SIPA1L2: variants seen among roughly 807,000 people sequenced by gnomAD.
SIPA1L2 encodes signal-induced proliferation-associated 1-like protein 2.
SIPA1L2 carries 56 observed loss-of-function variants against 163.9 expected under a neutral mutation model. That is an observed-to-expected ratio of 0.34 (90% CI 0.28 to 0.43). SIPA1L2 has a LOEUF of 0.43. Ranked by LOEUF, SIPA1L2 falls within the 20% of genes least tolerant of loss-of-function variation. The pLI is 1.00. For missense variants in SIPA1L2, 1,974 were observed against 2,193.5 expected (o/e 0.90, Z 2.00); for synonymous variants, 877 against 865.7 (o/e 1.01, Z -0.23).
chr1:232,585,015 T>G (rs1660581050), intron 1 of SIPA1L2, among the ~76,000 whole-genome samples: 1 of 152,230 alleles, frequency 6.6e-6, no homozygotes, highest in South Asian at 2.1e-4. Context: ...CCCCCATTAC[T>G]TCACAGTGTT....
rs1168760257 is a variant in SIPA1L2 at position 232,626,630 on chromosome 1, A to C, written c.-319+3239T>G. Among the ~76,000 whole-genome samples, 4 of 152,220 alleles carry C rather than the reference A, an allele frequency of 2.6e-5. No individual in the cohort carries two copies. The South Asian group carries it at 8.3e-4, about 32-fold the overall frequency. The stretch of plus-strand genomic sequence containing the variant: ...TTTAAAAGGAGTCACAGCTACATGC[A>C]ACTGGAACACAAAAAGCAATTTCTG... On this transcript the variant is annotated intron_variant, in intron 1 of 22. Transcript: ENST00000674635.
At position 232,464,888 on chromosome 1, in the gene SIPA1L2, C is replaced by A. The variant is rs187053345; in HGVS notation, c.2772G>T (p.Ser924=). The A allele has an allele frequency of 2.5e-6, 4 of 1,613,354 alleles. No homozygotes were observed. The African/African-American group carries it at 5.3e-5, about 22-fold the overall frequency. ...TGATGTCTTCAGCACAGTTGTCTAC[C>A]GAGGACAGGAGGACACATTCTCCTC... ...YERGECVLLS[S]VDNCAEDIRE... Residue 924 remains serine (S), a synonymous_variant, in exon 9 of 23, where the codon TCG becomes TCT. Coordinates refer to ENST00000674635, the MANE Select transcript of SIPA1L2 (RefSeq NM_020808.5).
intron 6 of SIPA1L2, among the ~76,000 whole-genome samples, chr1:232,480,196 TAC>T (rs1558210874): frequency 7.1e-6 from 1 of 141,156 alleles, no homozygotes; most frequent in Admixed American, 7.6e-5. Flanking sequence ...TGTGTGTTTT[TAC>T]AGTTAATTCT....
At chr1:232,483,570 G>GA (rs2102978159) in intron 6 of SIPA1L2, among the ~76,000 whole-genome samples, 1 of 152,232 alleles carries the variant, frequency 6.6e-6, no homozygotes, top group African/African-American at 2.4e-5. Flanking sequence ...TGTTACAAAG[G>GA]AAAAAGAATT....
intron 10 of SIPA1L2, among the ~76,000 whole-genome samples, chr1:232,450,653 C>T (rs896165062): frequency 2.0e-5 from 3 of 152,136 alleles, no homozygotes; most frequent in African/African-American, 7.2e-5. Flanking sequence ...AACCCAAAGA[C>T]ATCTTTGCAT....
At chr1:232,470,764 C>T (rs753617158) in intron 8 of SIPA1L2, among the ~76,000 whole-genome samples, 4 of 152,172 alleles carry the variant, frequency 2.6e-5, no homozygotes, top group African/African-American at 9.7e-5. Context: ...CCACACAAAG[C>T]CCTATGATAA....
intron 2 of SIPA1L2, among the ~76,000 whole-genome samples, chr1:232,547,062 G>C (rs1341699174): frequency 1.3e-5 from 2 of 152,186 alleles, no homozygotes; most frequent in African/African-American, 4.8e-5. Context: ...CAAGAAACTA[G>C]TAATACAAAT....
chr1:232,471,586 T>C, intron 7 of SIPA1L2, 58 bp from the exon 8 acceptor site: 2 of 1,343,486 alleles, frequency 1.5e-6, no homozygotes, highest in Non-Finnish European at 2.0e-6. Context: ...AAAATATATA[T>C]ATAATTCACT....
chr1:232,441,742 G>T (rs1163411540), intron 13 of SIPA1L2, 26 bp downstream of exon 13: 3 of 1,591,960 alleles, frequency 1.9e-6, no homozygotes, highest in African/African-American at 1.3e-5. Flanking sequence ...AGCAAGGGAG[G>T]TCAATTTCCA....
chr1:232,622,151 T>TA (rs374716447), intron 1 of SIPA1L2, among the ~76,000 whole-genome samples: 180 of 152,378 alleles, frequency 1.2e-3, no homozygotes, highest in African/African-American at 4.0e-3. Context: ...TTACAGCACT[T>TA]ATCACAGCAT....
intron 10 of SIPA1L2, among the ~76,000 whole-genome samples, chr1:232,456,651 T>C (rs944824143): frequency 2.0e-5 from 3 of 152,230 alleles, no homozygotes; most frequent in African/African-American, 7.2e-5. Context: ...TATGCTTTCC[T>C]TCAAATGACA....
chr1:232,521,523 G>C (rs1489530415), intron 2 of SIPA1L2, among the ~76,000 whole-genome samples: 1 of 152,182 alleles, frequency 6.6e-6, no homozygotes, highest in Non-Finnish European at 1.5e-5. Context: ...AAGTAAAGCA[G>C]CTTGGTAAAC....
chr1:232,465,715 C>G lies in SIPA1L2; in HGVS notation c.2244-299G>C, dbSNP rs1201095030. 6.6e-6 allele frequency among the ~76,000 whole-genome samples: 1 copy of G among 151,862 alleles called. No homozygotes were observed. The highest frequency in any genetic ancestry group is 1.5e-5 in the Non-Finnish European group (1 of 67,986). ...GTCCCTCTCAAAATCCACACGTTGA[C>G]AAGATAACCCATAGTTCCTGGGAAT... On this transcript the variant is annotated intron_variant, in intron 8 of 22. Coordinates refer to ENST00000674635, the MANE Select transcript of SIPA1L2 (RefSeq NM_020808.5). This position sits in a 1 kb window ranked among gnomAD's most constrained non-coding sequence, Gnocchi z 4.1.
At chr1:232,554,751 G>C (rs1386037128) in intron 2 of SIPA1L2, among the ~76,000 whole-genome samples, 1 of 152,186 alleles carries the variant, frequency 6.6e-6, no homozygotes, top group African/African-American at 2.4e-5. Context: ...CTGGCAAGTT[G>C]GGTGTTGTTC....
chr1:232,426,653 C>T (rs1395683132), intron 17 of SIPA1L2, among the ~76,000 whole-genome samples: 1 of 151,832 alleles, frequency 6.6e-6, no homozygotes, highest in Non-Finnish European at 1.5e-5. Flanking sequence ...GAGCAAGACT[C>T]CGTCTTGGAA....
intron 1 of SIPA1L2, among the ~76,000 whole-genome samples, chr1:232,601,442 A>G (rs969410028): frequency 1.3e-4 from 20 of 152,220 alleles, no homozygotes; most frequent in African/African-American, 4.8e-4. Flanking sequence ...GCATTCTTCC[A>G]AAGTTTAAAA....
intron 15 of SIPA1L2, 21 bp downstream of exon 15, chr1:232,439,087 C>A: frequency 6.3e-7 from 1 of 1,578,358 alleles, no homozygotes; most frequent in South Asian, 1.2e-5. Context: ...AGGTACTACT[C>A]TGCAGTGCTG....
chr1:232,528,102 A>ATATATATATATATATATATATATATATC (rs34779799), intron 2 of SIPA1L2, among the ~76,000 whole-genome samples: 1,392 of 117,958 alleles, frequency 0.012, 246 homozygotes, highest in Middle Eastern at 0.026. Flanking sequence ...ATATATATAT[A>ATATATATATATATATATATATATATATC]ATCAACTTTC....
intron 12 of SIPA1L2, among the ~76,000 whole-genome samples, chr1:232,442,930 A>G (rs1180632091): frequency 6.6e-6 from 1 of 152,236 alleles, no homozygotes; most frequent in Non-Finnish European, 1.5e-5. Context: ...GAGCAGTGAT[A>G]TAAGCTGCTC....
Sources: gnomAD v4.1 joint callset for allele counts (sites outside exome capture counted in the v4.1 genomes callset) on GRCh38, gnomAD v4.1.1 for gene constraint, Gnocchi (gnomAD v3.1) non-coding constraint, MANE v1.5 for transcripts, NCBI Gene and HGNC (gene_info 2026-07-23, HGNC 2026-07-21) for gene names.